The following ASPM variants were observed in gnomAD, a reference collection of about 807,000 sequenced individuals.
The protein encoded by ASPM is abnormal spindle-like microcephaly-associated protein.
Under a neutral mutation model 366.4 loss-of-function variants are expected in ASPM, and 256 were observed. That is an observed-to-expected ratio of 0.70 (90% confidence interval 0.63 to 0.77). ASPM has a LOEUF of 0.77. Among genes scored for constraint, ASPM ranks in the 30% least tolerant of loss-of-function variants. The pLI is 0.00. For synonymous variants in ASPM, 1,414 were observed against 1,342.9 expected (o/e 1.05, Z -1.16); for missense variants, 4,146 against 4,090.4 (o/e 1.01, Z -0.37).
chr1:197,103,992 T>A lies in ASPM; in HGVS notation c.5259A>T (p.Lys1753Asn). 3.1e-6 allele frequency: 5 copies of A among 1,612,468 alleles called. No homozygotes were observed. The highest frequency in any genetic ancestry group is 4.2e-6 in the Non-Finnish European group (5 of 1,179,372). The change falls in exon 18 of 28, where the codon AAA becomes AAT. Residue 1753 changes from lysine (K) to asparagine (N), a missense_variant. Around this residue, in one of 3 missense-constraint regions of ASPM, gnomAD observed 3,624 missense variants for 3,591.7 expected, o/e 1.01. Transcript: ENST00000367409. ...AATAAGACTGTAGTGAAATAACAGCTTTTCTTTGTAACCTCATCTGCTTTC... is the reference window on the plus strand; with the variant it reads ...AATAAGACTGTAGTGAAATAACAGCATTTCTTTGTAACCTCATCTGCTTTC... ...LVRKQMRLQR[K>N]AVISLQSYFR...
At chr1:197,136,933 T>C (rs1165467084) in intron 4 of ASPM, among the ~76,000 whole-genome samples, 1 of 152,148 alleles carries the variant, frequency 6.6e-6, no homozygotes, top group Non-Finnish European at 1.5e-5. Flanking sequence ...TCATGTTTTA[T>C]AGCTCTGGGA....
chr1:197,104,846 T>C lies in ASPM; in HGVS notation c.4405A>G (p.Ile1469Val), dbSNP rs1657359497. 2.5e-6 allele frequency: 4 copies of C among 1,598,522 alleles called. No individual in the cohort carries two copies. Among genetic ancestry groups the C allele is most frequent in the Non-Finnish European group, 3.4e-6 (4 of 1,172,994 alleles). ...RKQAKEENSA[I>V]IIQSWYRMHK... ...ATTCTATACCATGATTGTATGATAATAGCAGAATTTTCTTCTTTAGCTTGT... is the reference window on the plus strand; with the variant it reads ...ATTCTATACCATGATTGTATGATAACAGCAGAATTTTCTTCTTTAGCTTGT... Residue 1469 changes from isoleucine to valine, a missense_variant, in exon 18 of 28, where the codon ATT (isoleucine) becomes GTT (valine). Around this residue, in one of 3 missense-constraint regions of ASPM, gnomAD observed 3,624 missense variants for 3,591.7 expected, o/e 1.01. Transcript: ENST00000367409.
chr1:197,140,781 T>G (rs1658555850), intron 3 of ASPM, among the ~76,000 whole-genome samples: 1 of 152,140 alleles, frequency 6.6e-6, no homozygotes, highest in African/African-American at 2.4e-5. Context: ...GTTATTACAA[T>G]GACCCAAGGT....
chr1:197,088,622 T>C (rs1656675434), intron 25 of ASPM, among the ~76,000 whole-genome samples, 190 bp from the exon 26 acceptor site: 1 of 152,144 alleles, frequency 6.6e-6, no homozygotes, highest in Admixed American at 6.6e-5. Context: ...CATATATGTG[T>C]ATTCACATTT....
chr1:197,088,515 A>C (rs748757406), intron 25 of ASPM, 83 bp from the exon 26 acceptor site: 309 of 1,393,768 alleles, frequency 2.2e-4, no homozygotes, highest in Admixed American at 1.5e-3. Flanking sequence ...AAAATACAAA[A>C]GTCCATACTT....
chr1:197,106,577 C>T (rs774509163), intron 17 of ASPM, among the ~76,000 whole-genome samples: 15 of 151,984 alleles, frequency 9.9e-5, no homozygotes, highest in Non-Finnish European at 1.8e-4. Context: ...ATTACTATTA[C>T]TACTCCATTA....
At position 197,100,970 on chromosome 1, in the gene ASPM, C is replaced by G. The variant is rs780374189; in HGVS notation, c.8281G>C (p.Val2761Leu). 1 of 1,612,584 alleles carries G rather than the reference C, an allele frequency of 6.2e-7. No individual in the cohort carries two copies. The highest frequency in any genetic ancestry group is 1.1e-5 in the South Asian group (1 of 91,052). ...ATGGCTGCCATCTTTTCCTCTGATA[C>G]ATTTTTCAATTTTTGTCTAACTTTC... The part of the protein sequence containing the change: ...GMKVRQKLKN[V>L]SEEKMAAIVN... The change falls in exon 18 of 28, where the codon GTA becomes CTA. Residue 2761 changes from valine to leucine, a missense_variant. By Grantham distance (32) the Val-to-Leu change is conservative. Transcript: ENST00000367409.
At position 197,122,555 on chromosome 1, in the gene ASPM, AAC is replaced by A; in HGVS notation, c.3429_3430del (p.Leu1144MetfsTer15). The A allele has an allele frequency of 6.2e-7, 1 of 1,612,642 alleles. No homozygotes were observed. Among genetic ancestry groups the A allele is most frequent in the Non-Finnish European group, 8.5e-7 (1 of 1,179,310 alleles). On this transcript the variant is annotated frameshift_variant, in exon 14 of 28. Coordinates refer to ENST00000367409, the MANE Select transcript of ASPM (RefSeq NM_018136.5). LOFTEE classifies it high-confidence loss of function. ...ATGGTAATGGTGGATCAGGTAACAT[AAC>A]ACACGGCCGTCTGAGAAAGACACTG... is the stretch of plus-strand genomic sequence containing the variant.
chr1:197,103,399 A>G lies in ASPM; in HGVS notation c.5852T>C (p.Val1951Ala). ...CTTCCACATAGATTGAAGCACCAGT[A>G]CCGCATGACGGAGTTCAATATACTC... ...CMEYIELRHA[V>A]LVLQSMWKGK... The change falls in exon 18 of 28, where the codon GTA becomes GCA. Residue 1951 changes from valine (V) to alanine (A), a missense_variant. Transcript: ENST00000367409. The G allele has an allele frequency of 6.2e-7, 1 of 1,613,296 alleles. No homozygotes were observed. The highest frequency in any genetic ancestry group is 8.5e-7 in the Non-Finnish European group (1 of 1,179,510).
chr1:197,090,737 C>A, intron 23 of ASPM, 113 bp downstream of exon 23: 1 of 964,308 alleles, frequency 1.0e-6, no homozygotes, highest in Non-Finnish European at 1.6e-6. Flanking sequence ...AGTTATTCTA[C>A]CGGCTAATGC....
At chr1:197,094,710 C>T (rs188671478) in intron 19 of ASPM, among the ~76,000 whole-genome samples, 79 of 151,654 alleles carry the variant, frequency 5.2e-4, no homozygotes, top group African/African-American at 1.7e-3. Context: ...AAAATCTGAG[C>T]ACTAGAGATT....
rs1386428532 is a variant in ASPM at position 197,142,681 on chromosome 1, G to A, written c.1571C>T (p.Ala524Val). 1.2e-6 allele frequency: 2 copies of A among 1,613,678 alleles called. No individual in the cohort carries two copies. The change falls in exon 3 of 28, where the codon GCA becomes GTA. Residue 524 changes from alanine (A) to valine (V), a missense_variant. By Grantham distance (64) the Ala-to-Val change is moderately conservative (BLOSUM62 0). Transcript: ENST00000367409. Reference sequence around the variant, plus strand: ...TATTACTTTTTCATGTTCACCCACTGCACTGTTGAGACATCTTTTTGCTTT... The same window carrying A: ...TATTACTTTTTCATGTTCACCCACTACACTGTTGAGACATCTTTTTGCTTT... ...KPKAKRCLNSAVGEHEKVINN... is the reference protein window; with the variant it reads ...KPKAKRCLNSVVGEHEKVINN...
At chr1:197,091,086 T>A in intron 22 of ASPM, 45 bp from the exon 23 acceptor site, 1 of 1,454,276 alleles carries the variant, frequency 6.9e-7, no homozygotes, top group Non-Finnish European at 9.6e-7. Context: ...ACTTCAGGTT[T>A]TTTTAAAAAA....
intron 9 of ASPM, among the ~76,000 whole-genome samples, 163 bp from the exon 10 acceptor site, chr1:197,128,828 A>T (rs1658174567): frequency 6.6e-6 from 1 of 152,162 alleles, no homozygotes; most frequent in Non-Finnish European, 1.5e-5. Flanking sequence ...CCAACTTAAG[A>T]TCTTTCTAAA....
intron 13 of ASPM, 135 bp downstream of exon 13, chr1:197,123,975 A>T: frequency 1.4e-6 from 1 of 704,438 alleles, no homozygotes; most frequent in Non-Finnish European, 2.4e-6. Context: ...TAAAACATTC[A>T]CTCATTTGAG....
At chr1:197,115,894 C>G (rs1016872983) in intron 17 of ASPM, among the ~76,000 whole-genome samples, 1 of 152,170 alleles carries the variant, frequency 6.6e-6, no homozygotes, top group African/African-American at 2.4e-5. Flanking sequence ...TAAATAAGCA[C>G]TGGCTTCAAC....
chr1:197,091,949 C>T lies in ASPM; in HGVS notation c.9402G>A (p.Val3134=). The change falls in exon 22 of 28, where the codon GTG becomes GTA. Residue 3134 remains valine, a synonymous_variant. Coordinates refer to ENST00000367409, the MANE Select transcript of ASPM (RefSeq NM_018136.5). ...IQRAYKLYLA[V]KNANKQVNSV... ...AATTAACCTGCTTGTTAGCATTCTT[C>T]ACAGCCAGGTAAAGTTTATAGGCTC... is the stretch of plus-strand genomic sequence containing the variant. 6.2e-7 allele frequency: 1 copy of T among 1,611,358 alleles called. No individual in the cohort carries two copies. The highest frequency in any genetic ancestry group is 8.5e-7 in the Non-Finnish European group (1 of 1,178,776).
chr1:197,120,627 A>T (rs542165478), intron 16 of ASPM, among the ~76,000 whole-genome samples: 8 of 152,294 alleles, frequency 5.3e-5, no homozygotes, highest in Middle Eastern at 3.4e-3. Context: ...TAAAACTCTC[A>T]TTTAATGCAA....
chr1:197,140,878 C>T (rs1557964146), intron 3 of ASPM, among the ~76,000 whole-genome samples: 1 of 152,118 alleles, frequency 6.6e-6, no homozygotes, highest in Non-Finnish European at 1.5e-5. Flanking sequence ...ACCCTTAATA[C>T]CAACTTATTA....
Sources: allele counts gnomAD v4.1 joint callset (sites outside exome capture counted in the v4.1 genomes callset), GRCh38; gene constraint gnomAD v4.1.1; regional missense constraint gnomAD v4.1.1; transcripts MANE v1.5; gene names NCBI Gene and HGNC (gene_info 2026-07-23, HGNC 2026-07-21).